MED16: variants seen among roughly 807,000 people sequenced by gnomAD.
MED16 encodes mediator complex subunit 16.
In MED16, 81 loss-of-function variants were observed where a neutral mutation model predicts 84.4. The observed-to-expected ratio is 0.96, with a 90% CI of 0.80 to 1.15. The LOEUF is 1.15. Among genes scored for constraint, MED16 ranks in the 50% most tolerant of loss-of-function variants. The pLI, the probability that MED16 is intolerant of heterozygous loss-of-function variation, is 0.00. For missense variants in MED16, 1,585 were observed against 1,245.9 expected (o/e 1.27, Z -4.10); for synonymous variants, 897 against 552.2 (o/e 1.62, Z -8.76).
intron 7 of MED16, among the ~76,000 whole-genome samples, chr19:881,199 T>A (rs935284622): frequency 2.6e-5 from 4 of 152,182 alleles, no homozygotes; most frequent in Non-Finnish European, 5.9e-5. Flanking sequence ...TGGGCACGGA[T>A]GCCACGGTTT....
chr19:889,586 G>A (rs1213432626), intron 4 of MED16, 52 bp downstream of exon 4: 5 of 1,557,202 alleles, frequency 3.2e-6, no homozygotes, highest in South Asian at 1.2e-5. Flanking sequence ...CGGGTGGCTG[G>A]GTAGGGTGAC....
At chr19:879,654 C>T (rs2036366735) in intron 8 of MED16, among the ~76,000 whole-genome samples, 1 of 145,376 alleles carries the variant, frequency 6.9e-6, no homozygotes, top group Non-Finnish European at 1.5e-5. Context: ...CTCACGTTCC[C>T]CTGGTTGTCA....
rs1247696108 is a variant in MED16, at chr19:872,104, C to T, written c.1920G>A (p.Arg640=). 6.2e-7 allele frequency: 1 copy of T among 1,605,188 alleles called. No individual in the cohort carries two copies. The highest frequency in any genetic ancestry group is 8.5e-7 in the Non-Finnish European group (1 of 1,175,774). The change falls in exon 12 of 16, where the codon AGG becomes AGA. Residue 640 remains arginine, a synonymous_variant. Transcript: ENST00000325464. ...ASLPNQGSLL[R]PGHSFLRDGT... ...CGTCCCGCAGAAAGCTGTGGCCCGG[C>T]CTCAGCAGGGAACCCTGCCCGAAAG...
At chr19:877,868 CTCGCCTTCCCCTGGTTG>C (rs1417257321) in intron 8 of MED16, among the ~76,000 whole-genome samples, 1 of 147,622 alleles carries the variant, frequency 6.8e-6, no homozygotes, top group Non-Finnish European at 1.5e-5. Context: ...GCCCCAGCAG[CTCGCCTTCCCCTGGTTG>C]TCAATGCCCA....
chr19:886,733 T>C (rs1219526026), intron 4 of MED16, among the ~76,000 whole-genome samples: 1 of 152,202 alleles, frequency 6.6e-6, no homozygotes, highest in Non-Finnish European at 1.5e-5. Context: ...GTCAAGTCAT[T>C]ATTGACATAC....
chr19:874,422 A>G (rs2036179673), intron 10 of MED16, among the ~76,000 whole-genome samples: 1 of 152,088 alleles, frequency 6.6e-6, no homozygotes, highest in Non-Finnish European at 1.5e-5. Flanking sequence ...CCTAATTTTT[A>G]AAAGAAACAG....
chr19:879,824 AGCCCCAC>A, intron 8 of MED16, 106 bp downstream of exon 8: 1 of 1,099,706 alleles, frequency 9.1e-7, no homozygotes, highest in Admixed American at 2.2e-5. Flanking sequence ...CACCAGGGCC[AGCCCCAC>A]GTGCCCCAGC....
At chr19:877,634 G>A (rs534140334) in intron 8 of MED16, among the ~76,000 whole-genome samples, 3 of 112,080 alleles carry the variant, frequency 2.7e-5, no homozygotes, top group East Asian at 2.0e-4. Flanking sequence ...CCTCCCTCTG[G>A]CACCCTCCCA....
In MED16 at chr19:869,113, G is replaced by C. The variant is rs117481646; in HGVS notation, c.2316-167C>G. 4.3e-3 allele frequency among the ~76,000 whole-genome samples: 661 copies of C among 152,274 alleles called. 2 individuals are homozygous for C. Among genetic ancestry groups the C allele is most frequent in the South Asian group, 0.025 (121 of 4,818 alleles). On this transcript the variant is annotated intron_variant, in intron 13 of 15. Transcript: ENST00000325464. ...TGAGGTGGGAGGTGCGGGACCACCTGAGACAGGCCCAGTAAAGGGGGCGGG... is the reference window on the plus strand; with the variant it reads ...TGAGGTGGGAGGTGCGGGACCACCTCAGACAGGCCCAGTAAAGGGGGCGGG...
At chr19:880,268 C>A (rs1014060878) in intron 7 of MED16, 120 bp from the exon 8 acceptor site, 2 of 866,378 alleles carry the variant, frequency 2.3e-6, no homozygotes, top group Non-Finnish European at 3.3e-6. Flanking sequence ...GGTCAGCCCC[C>A]GCCAATCGGC....
intron 15 of MED16, 67 bp downstream of exon 15, chr19:868,349 G>C: frequency 6.3e-7 from 1 of 1,591,954 alleles, no homozygotes; most frequent in Middle Eastern, 1.7e-4. Context: ...GGGTAGCTGA[G>C]GAGTAGCTGA....
intron 2 of MED16, 166 bp from the exon 3 acceptor site, chr19:890,410 G>A (rs1270979199): frequency 5.4e-6 from 3 of 558,252 alleles, no homozygotes; most frequent in Non-Finnish European, 9.5e-6. Flanking sequence ...TCCCCCCGCA[G>A]GAACAGAGCA....
chr19:882,668 C>T (rs945873187), intron 6 of MED16, among the ~76,000 whole-genome samples: 2 of 152,234 alleles, frequency 1.3e-5, no homozygotes, highest in African/African-American at 4.8e-5. Flanking sequence ...GGCTGCTAAC[C>T]GCAGACACGT....
At chr19:879,070 AG>A (rs1380962456) in intron 8 of MED16, among the ~76,000 whole-genome samples, 11 of 61,598 alleles carry the variant, frequency 1.8e-4, no homozygotes, top group South Asian at 1.1e-3. Context: ...CACCAGCCCC[AG>A]CCCCAGCCCC....
At chr19:870,975 C>A in intron 13 of MED16, 62 bp downstream of exon 13, 1 of 1,413,916 alleles carries the variant, frequency 7.1e-7, no homozygotes, top group African/African-American at 1.5e-5. Flanking sequence ...ATTCGGGGGT[C>A]CCGGGGCAGG....
Position 873,536 on chromosome 19 carries a change from C to T in MED16, c.1818G>A (p.Leu606=). 1 of 1,612,362 alleles carries T rather than the reference C, an allele frequency of 6.2e-7. No individual in the cohort carries two copies. Among genetic ancestry groups the T allele is most frequent in the South Asian group, 1.1e-5 (1 of 91,078 alleles). ...MINLKTEEFV[L]DMNTLQALQQ... is the part of the protein sequence containing the mutation. ...GCAGCGCCTGCAGTGTGTTCATGTC[C>T]AGCACAAATTCCTCCGTCTTGAGGT... Residue 606 remains leucine (L), a synonymous_variant, in exon 11 of 16, where the codon CTG becomes CTA. Coordinates refer to ENST00000325464, the MANE Select transcript of MED16 (RefSeq NM_005481.3).
chr19:886,422 G>A (rs2036529465), intron 4 of MED16, among the ~76,000 whole-genome samples: 1 of 152,230 alleles, frequency 6.6e-6, no homozygotes, highest in Admixed American at 6.5e-5. Context: ...TGCTTTAGAG[G>A]ACAGTGGGGA....
chr19:887,558 C>T (rs1381152291), intron 4 of MED16, among the ~76,000 whole-genome samples: 1 of 151,778 alleles, frequency 6.6e-6, no homozygotes, highest in Non-Finnish European at 1.5e-5. Flanking sequence ...TCCAGCTACT[C>T]GGGAGGCTGA....
chr19:882,399 C>G (rs1278811757), intron 6 of MED16, among the ~76,000 whole-genome samples: 1 of 152,010 alleles, frequency 6.6e-6, no homozygotes, highest in Non-Finnish European at 1.5e-5. Flanking sequence ...CGCCTGCACA[C>G]GCCTGTAGTC....
Sources: allele counts gnomAD v4.1 joint callset (sites outside exome capture counted in the v4.1 genomes callset), GRCh38; gene constraint gnomAD v4.1.1; transcripts MANE v1.5; gene names NCBI Gene and HGNC (gene_info 2026-07-23, HGNC 2026-07-21).